The following SYT2 variants were observed in gnomAD, a reference collection of about 807,000 sequenced individuals.
SYT2 encodes synaptotagmin-2.
SYT2 carries 15 observed loss-of-function variants against 39.9 expected under a neutral mutation model. The observed-to-expected ratio is 0.38, with a 90% CI of 0.25 to 0.58. The LOEUF (loss-of-function observed/expected upper bound fraction) is 0.58, where lower values mean the gene tolerates loss of function less well. Ranked by LOEUF, SYT2 falls within the 20% of genes least tolerant of loss-of-function variation. The probability of loss-of-function intolerance (pLI) is 0.70; values close to 1 mark genes in which losing one functional copy is unlikely to be tolerated. For missense variants in SYT2, 389 were observed against 530.3 expected, an observed-to-expected ratio of 0.73 and a Z score of 2.62; for synonymous variants, 181 against 204.5, an observed-to-expected ratio of 0.89 and a Z score of 0.98.
intron 1 of SYT2, among the ~76,000 whole-genome samples, chr1:202,606,413 C>T (rs1008215149): frequency 3.4e-4 from 51 of 152,194 alleles, no homozygotes; most frequent in Admixed American, 2.0e-3. Context: ...TTCAACCTCT[C>T]TCCTTGACTT....
chr1:202,640,780 GA>G (rs1558443904), intron 1 of SYT2, among the ~76,000 whole-genome samples: 13 of 134,968 alleles, frequency 9.6e-5, no homozygotes, highest in African/African-American at 3.1e-5. Context: ...GAGAGAGAGA[GA>G]GAGAGAGAGA....
At chr1:202,698,034 C>A (rs370433887) in intron 1 of SYT2, among the ~76,000 whole-genome samples, 8 of 151,858 alleles carry the variant, frequency 5.3e-5, no homozygotes, top group African/African-American at 2.4e-5. Context: ...GCAGGGGATG[C>A]GGGGAGGGTG....
At chr1:202,700,679 T>C (rs558582059) in intron 1 of SYT2, among the ~76,000 whole-genome samples, 35 of 152,340 alleles carry the variant, frequency 2.3e-4, no homozygotes, top group Non-Finnish European at 4.3e-4. Context: ...TTTCACATCA[T>C]TGCAAATCTC....
chr1:202,622,959 A>G (rs1381080246), intron 1 of SYT2, among the ~76,000 whole-genome samples: 2 of 152,086 alleles, frequency 1.3e-5, no homozygotes, highest in East Asian at 1.9e-4. Context: ...CCATCACACA[A>G]ACAACACCGC....
chr1:202,660,172 G>T (rs1192857075), intron 1 of SYT2, among the ~76,000 whole-genome samples: 1 of 152,170 alleles, frequency 6.6e-6, no homozygotes, highest in African/African-American at 2.4e-5. Context: ...AGCCACAAGG[G>T]GGAACATCTC....
At chr1:202,618,937 A>G (rs1691125675) in intron 1 of SYT2, among the ~76,000 whole-genome samples, 1 of 152,244 alleles carries the variant, frequency 6.6e-6, no homozygotes, top group South Asian at 2.1e-4. Flanking sequence ...CCTGCATGCC[A>G]CCCAAGACTC....
intron 1 of SYT2, among the ~76,000 whole-genome samples, chr1:202,658,997 CAT>C (rs1217049579): frequency 6.6e-6 from 1 of 152,194 alleles, no homozygotes; most frequent in Non-Finnish European, 1.5e-5. Context: ...GCCTCCTTCA[CAT>C]AGAGGCAGAG....
intron 1 of SYT2, among the ~76,000 whole-genome samples, chr1:202,610,426 C>T (rs1690855009): frequency 6.6e-6 from 1 of 152,134 alleles, no homozygotes; most frequent in Non-Finnish European, 1.5e-5. Flanking sequence ...ACAGGGATGC[C>T]CCCTCTCACC....
chr1:202,609,327 C>T (rs1300523322), intron 1 of SYT2, among the ~76,000 whole-genome samples: 1 of 151,918 alleles, frequency 6.6e-6, no homozygotes, highest in Admixed American at 6.6e-5. Context: ...TGAATAGTGC[C>T]GCAATGAACA....
At chr1:202,698,480 A>G (rs1283913420) in intron 1 of SYT2, among the ~76,000 whole-genome samples, 1 of 152,180 alleles carries the variant, frequency 6.6e-6, no homozygotes, top group Non-Finnish European at 1.5e-5. Flanking sequence ...AACTGACCAC[A>G]TTCTCTCAGT....
intron 1 of SYT2, among the ~76,000 whole-genome samples, chr1:202,658,991 C>A (rs1375067213): frequency 5.3e-5 from 8 of 152,070 alleles, no homozygotes. Flanking sequence ...GCATAAGCCT[C>A]CTTCACATAG....
intron 8 of SYT2, among the ~76,000 whole-genome samples, chr1:202,597,264 A>C (rs1690332640): frequency 6.6e-6 from 1 of 152,224 alleles, no homozygotes; most frequent in South Asian, 2.1e-4. Context: ...TTCCTCAATG[A>C]GATCAGCAGA....
intron 1 of SYT2, among the ~76,000 whole-genome samples, chr1:202,610,585 G>A (rs1690859428): frequency 2.0e-5 from 3 of 152,138 alleles, no homozygotes; most frequent in South Asian, 4.1e-4. Context: ...CATCGTCTCA[G>A]CCCAAAATCT....
At chr1:202,600,290 A>C in intron 7 of SYT2, 67 bp downstream of exon 7, 1 of 1,351,100 alleles carries the variant, frequency 7.4e-7, no homozygotes, top group East Asian at 2.3e-5. Flanking sequence ...GAGTGTGCAA[A>C]CTCTGGGACT....
chr1:202,653,904 A>T (rs1183083163), intron 1 of SYT2, among the ~76,000 whole-genome samples: 2 of 152,154 alleles, frequency 1.3e-5, no homozygotes, highest in African/African-American at 4.8e-5. Flanking sequence ...TGACTAAGTT[A>T]TCCTCTCTCT....
chr1:202,605,077 C>T (rs1690656784), intron 2 of SYT2: 1 of 172,000 alleles, frequency 5.8e-6, no homozygotes, highest in Non-Finnish European at 1.2e-5. Flanking sequence ...TGAGGCTAGA[C>T]CTAGACTGCT....
At chr1:202,647,488 A>ATGAGCACCCCCG (rs1245211007) in intron 1 of SYT2, among the ~76,000 whole-genome samples, 3 of 151,480 alleles carry the variant, frequency 2.0e-5, no homozygotes, top group Non-Finnish European at 4.4e-5. Context: ...GAGCACCCCC[A>ATGAGCACCCCCG]ACAGCTGAAC....
chr1:202,708,033 T>G (rs1350062218), intron 1 of SYT2, among the ~76,000 whole-genome samples: 1 of 152,194 alleles, frequency 6.6e-6, no homozygotes, highest in Non-Finnish European at 1.5e-5. Flanking sequence ...AAGGGTCTCC[T>G]CGGCCCTGCG....
Position 202,618,225 on chromosome 1 carries a change from C to T in SYT2, c.-17-12436G>A, listed in dbSNP as rs72644164. ...GATTGGGTCACATTATGTCATTTCA[C>T]AGAAGACACTGAATTCTGTGGGGAA... On this transcript the variant is annotated intron_variant, in intron 1 of 8. Transcript: ENST00000367268. 0.021 allele frequency among the ~76,000 whole-genome samples: 3,231 copies of T among 152,206 alleles called. 256 individuals are homozygous for T. The East Asian group carries it at 0.25, about 12-fold the overall frequency.
Sources: allele counts gnomAD v4.1 joint callset (sites outside exome capture counted in the v4.1 genomes callset), GRCh38; gene constraint gnomAD v4.1.1; transcripts MANE v1.5; gene names NCBI Gene and HGNC (gene_info 2026-07-23, HGNC 2026-07-21).